The following PIGR variants were observed in gnomAD, a reference collection of about 807,000 sequenced individuals.
PIGR encodes the protein hepatocellular carcinoma associated protein TB6.
A neutral mutation model predicts 69.5 loss-of-function variants in PIGR; 22 were observed. That is an observed-to-expected ratio of 0.32 (90% CI 0.23 to 0.45). The LOEUF (loss-of-function observed/expected upper bound fraction) is 0.45, where lower values mean the gene tolerates loss of function less well. PIGR is among the 20% of genes least tolerant of loss of function. The pLI is 1.00. For synonymous variants in PIGR, 413 were observed against 407.6 expected (o/e 1.01, Z -0.16); for missense variants, 885 against 974.0 (o/e 0.91, Z 1.22).
At chr1:206,940,422 A>G in intron 2 of PIGR, 67 bp downstream of exon 2, 1 of 1,427,250 alleles carries the variant, frequency 7.0e-7, no homozygotes, top group Non-Finnish European at 9.6e-7. Context: ...GTCCCCAGGG[A>G]GGTGAACCCT....
chr1:206,937,286 G>C lies in PIGR; in HGVS notation c.854C>G (p.Thr285Ser). 1.2e-6 allele frequency: 2 copies of C among 1,613,596 alleles called. No homozygotes were observed. Among genetic ancestry groups the C allele is most frequent in the Non-Finnish European group, 1.7e-6 (2 of 1,179,774 alleles). ...AAAGGCTGGGGCCCTCTTCCCCAGG[G>C]TGTTGACGACCACGTCACAGTTTTC... ...SGENCDVVVN[T>S]LGKRAPAFEG... The change falls in exon 4 of 11, where the codon ACC (threonine) becomes AGC (serine). Residue 285 changes from threonine to serine, a missense_variant. Coordinates refer to ENST00000356495, the MANE Select transcript of PIGR (RefSeq NM_002644.4).
At chr1:206,940,417 C>A in intron 2 of PIGR, 72 bp downstream of exon 2, 6 of 1,432,654 alleles carry the variant, frequency 4.2e-6, no homozygotes, top group Non-Finnish European at 5.7e-6. Context: ...TTAGTGTCCC[C>A]AGGGAGGTGA....
Position 206,930,998 on chromosome 1 carries a change from G to A in PIGR, c.2199+499C>T, listed in dbSNP as rs1679728885. On this transcript the variant is annotated intron_variant, in intron 10 of 10. Transcript: ENST00000356495. This position sits in a 1 kb window ranked among gnomAD's most constrained non-coding sequence, Gnocchi z 4.3. ...TGAGGGGATGGTATATGGCACCCAA[G>A]GCAGGAGTTGCCTCTGGTGGGGCTT... The A allele has an allele frequency of 1.0e-5, 10 of 985,430 alleles. No homozygotes were observed. The highest frequency in any genetic ancestry group is 1.2e-5 in the Non-Finnish European group (10 of 829,916). 61.0% of individuals were successfully genotyped at this position (985,430 alleles called of 1,614,324 possible).
At position 206,937,124 on chromosome 1, in the gene PIGR, A is replaced by T; in HGVS notation, c.1016T>A (p.Ile339Asn). 1 of 1,608,168 alleles carries T rather than the reference A, an allele frequency of 6.2e-7. No homozygotes were observed. The highest frequency in any genetic ancestry group is 1.1e-5 in the South Asian group (1 of 89,906). ...SDGQLQEGSP[I>N]QAWQLFVNEE... ...ATTGACGAAGAGTTGCCAGGCCTGG[A>T]TAGGCGAGCCTTCCTGCAGCTGACC... Residue 339 changes from isoleucine (I) to asparagine (N), a missense_variant, in exon 4 of 11, where the codon ATC (isoleucine) becomes AAC (asparagine). Coordinates refer to ENST00000356495, the MANE Select transcript of PIGR (RefSeq NM_002644.4).
At chr1:206,939,008 C>A (rs1679928015) in intron 3 of PIGR, 111 bp downstream of exon 3, 3 of 964,576 alleles carry the variant, frequency 3.1e-6, no homozygotes, top group African/African-American at 1.6e-5. Flanking sequence ...GCCTTCTGAC[C>A]CCCAACCCGG....
At chr1:206,934,371 G>T (rs527626906) in intron 6 of PIGR, 49 bp downstream of exon 6, 20 of 1,506,336 alleles carry the variant, frequency 1.3e-5, no homozygotes, top group South Asian at 1.2e-4. Flanking sequence ...CCTTCAGGAA[G>T]TCCTGCCTCT....
Position 206,930,029 on chromosome 1 carries a change from C to T in PIGR, c.*289G>A, listed in dbSNP as rs1332395932. 1 of 336,614 alleles carries T rather than the reference C, an allele frequency of 3.0e-6. No homozygotes were observed. The highest frequency in any genetic ancestry group is 5.3e-6 in the Non-Finnish European group (1 of 187,176). The allele number at this position is 336,614 out of a possible 1,614,324, so 20.9% of individuals were successfully genotyped here. A position where few individuals can be genotyped will look rare whatever the true frequency, so the allele number is the denominator to read the frequency against. On this transcript the variant is annotated 3_prime_UTR_variant, in exon 11 of 11. Transcript: ENST00000356495. The surrounding 1 kb of genome is among the most constrained non-coding windows in gnomAD (Gnocchi z 4.3). The stretch of plus-strand genomic sequence containing the variant: ...AATCAGCTCTCCCACCCTGGTCCCT[C>T]TTCCTTCAAGGGACCCATGAGGACC...
intron 1 of PIGR, among the ~76,000 whole-genome samples, chr1:206,941,604 G>A (rs1679988261): frequency 6.6e-6 from 1 of 152,208 alleles, no homozygotes; most frequent in African/African-American, 2.4e-5. Context: ...AAAAGCTTAG[G>A]TGTTAGGGTC....
Position 206,930,348 on chromosome 1 carries a change from G to C in PIGR, c.2265C>G (p.Ala755=), listed in dbSNP as rs926730179. The C allele has an allele frequency of 8.7e-6, 14 of 1,611,710 alleles. No homozygotes were observed. The highest frequency in any genetic ancestry group is 2.2e-5 in the East Asian group (1 of 44,582). ...CTTCCTGGGGGCCGTCCTGGGCCTC[G>C]GCGGCCACGGTGCTGGACTGGAGCA... The part of the protein sequence containing the change: ...DFLLQSSTVA[A]EAQDGPQEA Residue 755 remains alanine (A), a synonymous_variant, in exon 11 of 11, where the codon GCC becomes GCG. Transcript: ENST00000356495. The surrounding 1 kb of genome is among the most constrained non-coding windows in gnomAD (Gnocchi z 4.3).
chr1:206,936,404 T>G (rs187561018), intron 4 of PIGR, among the ~76,000 whole-genome samples: 1 of 152,042 alleles, frequency 6.6e-6, no homozygotes, highest in East Asian at 1.9e-4. Flanking sequence ...CAGAGCTGGA[T>G]GTGGACATGG....
chr1:206,933,242 G>C (rs1679796263), intron 6 of PIGR, 76 bp from the exon 7 acceptor site: 2 of 1,418,396 alleles, frequency 1.4e-6, no homozygotes, highest in African/African-American at 1.4e-5. Flanking sequence ...GAGTCTGGGG[G>C]AGACTTCATG....
intron 3 of PIGR, 104 bp downstream of exon 3, chr1:206,939,015 C>T: frequency 2.9e-6 from 3 of 1,034,658 alleles, no homozygotes; most frequent in South Asian, 3.1e-5. Flanking sequence ...GACCCCCAAC[C>T]CGGCTACACA....
chr1:206,937,459 A>C lies in PIGR; in HGVS notation c.681T>G (p.Asn227Lys). ...GGAGGTCAGCATTCTTCTTATTACT[A>C]TTGGAATCATCCCCAGCCTGGCAGA... ...QYLCQAGDDSNSNKKNADLQV... is the reference protein window; with the variant it reads ...QYLCQAGDDSKSNKKNADLQV... The change falls in exon 4 of 11, where the codon AAT becomes AAG. Residue 227 changes from asparagine (N) to lysine (K), a missense_variant. Coordinates refer to ENST00000356495, the MANE Select transcript of PIGR (RefSeq NM_002644.4). The C allele has an allele frequency of 6.2e-7, 1 of 1,614,044 alleles. No homozygotes were observed. The highest frequency in any genetic ancestry group is 8.5e-7 in the Non-Finnish European group (1 of 1,180,016).
At chr1:206,934,164 G>T (rs1679817520) in intron 6 of PIGR, among the ~76,000 whole-genome samples, 1 of 152,152 alleles carries the variant, frequency 6.6e-6, no homozygotes, top group Non-Finnish European at 1.5e-5. Context: ...ATTCAGCTGG[G>T]AGTTGTCTTA....
At position 206,939,453 on chromosome 1, in the gene PIGR, C is replaced by A. The variant is rs373100715; in HGVS notation, c.54G>T (p.Thr18=). Residue 18 remains threonine, a synonymous_variant, in exon 3 of 11, where the codon ACG becomes ACT. Coordinates refer to ENST00000356495, the MANE Select transcript of PIGR (RefSeq NM_002644.4). Reference sequence around the variant, plus strand: ...CCTCGGGACCAAATATGGGACTCTTCGTGGAGATGGCTGTGGGAACAGAAG... The same window carrying A: ...CCTCGGGACCAAATATGGGACTCTTAGTGGAGATGGCTGTGGGAACAGAAG... ...CLLAVFPAIS[T]KSPIFGPEEV... is the part of the protein sequence containing the mutation. 6.3e-7 allele frequency: 1 copy of A among 1,596,504 alleles called. No homozygotes were observed. Among genetic ancestry groups the A allele is most frequent in the South Asian group, 1.1e-5 (1 of 89,592 alleles).
At chr1:206,936,868 A>G (rs1042427440) in intron 4 of PIGR, among the ~76,000 whole-genome samples, 2 of 152,228 alleles carry the variant, frequency 1.3e-5, no homozygotes, top group African/African-American at 4.8e-5. Context: ...ACAGCCATCA[A>G]AATGACTTTG....
At chr1:206,931,906 A>T (rs994720174) in intron 8 of PIGR, 104 bp from the exon 9 acceptor site, 1 of 1,290,104 alleles carries the variant, frequency 7.8e-7, no homozygotes, top group Non-Finnish European at 1.1e-6. Flanking sequence ...CCTGCAGGAC[A>T]GCTGAGGTGG....
intron 10 of PIGR, 111 bp downstream of exon 10, chr1:206,931,386 C>T (rs982308153): frequency 8.4e-5 from 135 of 1,607,296 alleles, no homozygotes; most frequent in Non-Finnish European, 1.1e-4. Flanking sequence ...ATATCATCCT[C>T]CCTATTCTGG....
intron 1 of PIGR, among the ~76,000 whole-genome samples, chr1:206,942,686 C>T (rs1248088625): frequency 6.6e-6 from 1 of 152,168 alleles, no homozygotes; most frequent in Non-Finnish European, 1.5e-5. Context: ...CCAGCTTCTC[C>T]AAGGTGAAGA....
Sources: allele counts gnomAD v4.1 joint callset (sites outside exome capture counted in the v4.1 genomes callset), GRCh38; gene constraint gnomAD v4.1.1; non-coding constraint Gnocchi (gnomAD v3.1); transcripts MANE v1.5; gene names NCBI Gene and HGNC (gene_info 2026-07-23, HGNC 2026-07-21).